ZNF223: variants seen among roughly 807,000 people sequenced by gnomAD.
ZNF223 encodes the protein Homo sapiens zinc finger protein 223.
In ZNF223, 9 loss-of-function variants were observed where a neutral mutation model predicts 12.3. The observed-to-expected ratio is 0.73, with a 90% CI of 0.44 to 1.28. The LOEUF (loss-of-function observed/expected upper bound fraction) is 1.28. ZNF223 is among the 50% of genes most tolerant of loss of function. The probability of loss-of-function intolerance (pLI) is 0.00; values close to 1 mark genes in which losing one functional copy is unlikely to be tolerated. For missense variants in ZNF223, 506 were observed against 579.0 expected (o/e 0.87, Z 1.29); for synonymous variants, 171 against 195.2 (o/e 0.88, Z 1.03).
In ZNF223 at chr19:44,067,907, AG is replaced by A. The variant is rs1212219815; in HGVS notation, c.*631del. ...GATTGAGGCTGCACTGACCTATGGT[AG>A]TGCTACTGCACTCCAGCCAGGGCAA... On this transcript the variant is annotated 3_prime_UTR_variant, in exon 5 of 5. Coordinates refer to ENST00000434772, the MANE Select transcript of ZNF223 (RefSeq NM_013361.6). The A allele has an allele frequency of 6.2e-6, 1 of 161,952 alleles. No individual in the cohort carries two copies. The highest frequency in any genetic ancestry group is 2.4e-5 in the African/African-American group (1 of 41,502). 10.0% of individuals were successfully genotyped at this position (161,952 alleles called of 1,614,324 possible). A position where few individuals can be genotyped will look rare whatever the true frequency, so the allele number is the denominator to read the frequency against.
rs1599872441 is a variant in ZNF223 at position 44,066,628 on chromosome 19, G to A, written c.800G>A (p.Arg267Lys). 1 of 1,614,132 alleles carries A rather than the reference G, an allele frequency of 6.2e-7. No homozygotes were observed. The highest frequency in any genetic ancestry group is 8.5e-7 in the Non-Finnish European group (1 of 1,180,026). ...EKHYNCEACG[R>K]AFIHDFQLQK... ...CATTATAATTGTGAGGCATGTGGGAGGGCCTTCATTCATGATTTCCAGCTT... is the reference window on the plus strand; with the variant it reads ...CATTATAATTGTGAGGCATGTGGGAAGGCCTTCATTCATGATTTCCAGCTT... The change falls in exon 5 of 5, where the codon AGG (arginine) becomes AAG (lysine). Residue 267 changes from arginine to lysine, a missense_variant. Arg to Lys is a conservative substitution (Grantham distance 26, BLOSUM62 2). Transcript: ENST00000434772.
At chr19:44,053,764 A>G (rs900457059) in intron 1 of ZNF223, among the ~76,000 whole-genome samples, 1 of 152,178 alleles carries the variant, frequency 6.6e-6, no homozygotes, top group African/African-American at 2.4e-5. Flanking sequence ...ACCTTGGACA[A>G]TGCCCAGGCT....
chr19:44,055,260 C>G, intron 2 of ZNF223, 69 bp downstream of exon 2: 1 of 1,568,488 alleles, frequency 6.4e-7, no homozygotes, highest in Non-Finnish European at 8.8e-7. Context: ...GTGTTTTTCT[C>G]TGCCCTGGGA....
intron 2 of ZNF223, among the ~76,000 whole-genome samples, chr19:44,060,161 G>A (rs973189365): frequency 1.3e-5 from 2 of 152,106 alleles, no homozygotes; most frequent in Admixed American, 6.5e-5. Flanking sequence ...CTATATACGT[G>A]TAGCCCAGTA....
chr19:44,066,050 T>G lies in ZNF223; in HGVS notation c.236-14T>G. On this transcript the variant is annotated splice_polypyrimidine_tract_variant and intron_variant, in intron 4 of 4. Transcript: ENST00000434772. ...CATAGCTTGTCCTGATCTCTTAATT[T>G]TGTATTCTGATAGGAGGCAAGATCC... 4 of 1,566,480 alleles carry G rather than the reference T, an allele frequency of 2.6e-6. No homozygotes were observed. The highest frequency in any genetic ancestry group is 3.4e-6 in the Non-Finnish European group (4 of 1,162,242).
At chr19:44,065,790 C>A (rs183416392) in intron 4 of ZNF223, among the ~76,000 whole-genome samples, 36 of 152,090 alleles carry the variant, frequency 2.4e-4, no homozygotes, top group South Asian at 4.1e-4. Flanking sequence ...GTTGGTCAGG[C>A]TGGTCCCGAA....
At chr19:44,061,092 A>T (rs995896307) in intron 4 of ZNF223, among the ~76,000 whole-genome samples, 1 of 152,150 alleles carries the variant, frequency 6.6e-6, no homozygotes, top group Admixed American at 6.5e-5. Context: ...CTGTCTTCTT[A>T]ATTTTATGAA....
chr19:44,066,379 G>A lies in ZNF223; in HGVS notation c.551G>A (p.Ser184Asn), dbSNP rs779585366. ...CATTCCTGTGATGAGTGTGGAAAAA[G>A]CTTCTGTTACATCTCAGCGCTTCAT... ...KSHSCDECGK[S>N]FCYISALHIH... Residue 184 changes from serine to asparagine, a missense_variant, in exon 5 of 5, where the codon AGC becomes AAC. Ser to Asn is a conservative substitution (Grantham distance 46). Transcript: ENST00000434772. 6.2e-7 allele frequency: 1 copy of A among 1,614,106 alleles called. No individual in the cohort carries two copies. Among genetic ancestry groups the A allele is most frequent in the African/African-American group, 1.3e-5 (1 of 74,936 alleles).
intron 2 of ZNF223, among the ~76,000 whole-genome samples, chr19:44,058,604 T>G (rs1174451337): frequency 6.6e-6 from 1 of 152,174 alleles, no homozygotes; most frequent in Non-Finnish European, 1.5e-5. Flanking sequence ...TTACAATAGC[T>G]ATGTATCCAG....
chr19:44,054,704 A>G (rs1182757102), intron 1 of ZNF223, among the ~76,000 whole-genome samples: 1 of 152,152 alleles, frequency 6.6e-6, no homozygotes, highest in Non-Finnish European at 1.5e-5. Flanking sequence ...ATTTACTTTG[A>G]ACCTCATTCT....
intron 2 of ZNF223, among the ~76,000 whole-genome samples, chr19:44,055,684 A>C (rs1976754817): frequency 1.3e-5 from 2 of 152,096 alleles, no homozygotes; most frequent in South Asian, 4.1e-4. Context: ...CACGAGAATC[A>C]CTTCAAACCG....
At chr19:44,052,899 A>G (rs1009961247) in intron 1 of ZNF223, among the ~76,000 whole-genome samples, 3 of 152,090 alleles carry the variant, frequency 2.0e-5, no homozygotes, top group Non-Finnish European at 2.9e-5. Flanking sequence ...AAAGAATACT[A>G]GTATTTGTAG....
In ZNF223 at chr19:44,066,163, C is replaced by G. The variant is rs1020744098; in HGVS notation, c.335C>G (p.Thr112Ser). 1 of 1,614,044 alleles carries G rather than the reference C, an allele frequency of 6.2e-7. No homozygotes were observed. Among genetic ancestry groups the G allele is most frequent in the Non-Finnish European group, 8.5e-7 (1 of 1,180,038 alleles). The change falls in exon 5 of 5, where the codon ACC becomes AGC. Residue 112 changes from threonine to serine, a missense_variant. Physicochemically the swap from Thr to Ser is moderately conservative, Grantham distance 58. Transcript: ENST00000434772. ...QIWEEIASDLTRPQDSTIKSS... is the reference protein window; with the variant it reads ...QIWEEIASDLSRPQDSTIKSS... ...TGGGAAGAAATTGCAAGTGATTTAA[C>G]CAGGCCTCAAGACTCTACCATAAAG...
chr19:44,058,344 TTAG>T (rs79379985), intron 2 of ZNF223, among the ~76,000 whole-genome samples: 33,958 of 151,916 alleles, frequency 0.22, 3,870 homozygotes, highest in Admixed American at 0.27. Context: ...CCTGATCTTG[TTAG>T]ATCAGTGTAA....
intron 2 of ZNF223, among the ~76,000 whole-genome samples, chr19:44,058,811 TTGTAGG>T (rs1164946961): frequency 6.6e-6 from 1 of 152,230 alleles, no homozygotes; most frequent in East Asian, 1.9e-4. Flanking sequence ...GGGAATTCAC[TTGTAGG>T]TGTAGGACAT....
chr19:44,064,343 A>G (rs1000676684), intron 4 of ZNF223, among the ~76,000 whole-genome samples: 2 of 152,186 alleles, frequency 1.3e-5, no homozygotes, highest in Non-Finnish European at 1.5e-5. Flanking sequence ...TCTGATGAAG[A>G]GCATCCTCCT....
intron 4 of ZNF223, among the ~76,000 whole-genome samples, chr19:44,064,139 C>T (rs1180416676): frequency 6.6e-6 from 1 of 152,112 alleles, no homozygotes; most frequent in Non-Finnish European, 1.5e-5. Context: ...TTTCATGTAA[C>T]GACACCTTTC....
chr19:44,066,855 C>T lies in ZNF223; in HGVS notation c.1027C>T (p.Pro343Ser). 1 of 1,614,188 alleles carries T rather than the reference C, an allele frequency of 6.2e-7. No individual in the cohort carries two copies. The highest frequency in any genetic ancestry group is 8.5e-7 in the Non-Finnish European group (1 of 1,180,042). ...TCAGACGATCCACACAGGAGAGAAA[C>T]CATATAATTGTAAAGAATGTGGGAA... Reference protein sequence around the residue: ...KHQTIHTGEKPYNCKECGKSF... With the variant: ...KHQTIHTGEKSYNCKECGKSF... The change falls in exon 5 of 5, where the codon CCA becomes TCA. Residue 343 changes from proline to serine, a missense_variant. Transcript: ENST00000434772.
rs888096907 is a variant in ZNF223, at chr19:44,056,425, G to C, written c.15+1234G>C. On this transcript the variant is annotated intron_variant, in intron 2 of 4. Coordinates refer to ENST00000434772, the MANE Select transcript of ZNF223 (RefSeq NM_013361.6). ...CGGGCGCCTGTAGTCCCAGCTACTC[G>C]GCAGGCTGAGGCAGGAGAATGGCGT... Among the ~76,000 whole-genome samples, 6 of 143,010 alleles carry C rather than the reference G, an allele frequency of 4.2e-5. No homozygotes were observed. In the South Asian group the frequency reaches 6.8e-4, roughly 16 times the overall value. 93.8% of individuals were successfully genotyped at this position (143,010 alleles called of 152,430 possible).
Sources: gnomAD v4.1 joint callset for allele counts (sites outside exome capture counted in the v4.1 genomes callset) on GRCh38, gnomAD v4.1.1 for gene constraint, MANE v1.5 for transcripts, NCBI Gene and HGNC (gene_info 2026-07-23, HGNC 2026-07-21) for gene names.